The following CFAP44 variants were observed in gnomAD, a reference collection of about 807,000 sequenced individuals.
CFAP44 encodes the protein cilia and flagella associated protein 44, also known as cilia- and flagella-associated protein 44.
Under a neutral mutation model 216.2 loss-of-function variants are expected in CFAP44, and 134 were observed. The observed-to-expected ratio is 0.62, with a 90% CI of 0.54 to 0.72. The LOEUF (loss-of-function observed/expected upper bound fraction) is 0.72. Among genes scored for constraint, CFAP44 ranks in the 30% least tolerant of loss-of-function variants. CFAP44 has a pLI of 0.00. For missense variants in CFAP44, 2,035 were observed against 2,182.1 expected (o/e 0.93, Z 1.34); for synonymous variants, 700 against 727.6 (o/e 0.96, Z 0.61).
At chr3:113,365,044 G>A (rs924466698) in intron 19 of CFAP44, among the ~76,000 whole-genome samples, 1 of 151,974 alleles carries the variant, frequency 6.6e-6, no homozygotes, top group Non-Finnish European at 1.5e-5. Context: ...ATCCAATATG[G>A]GTTTCTGTAG....
intron 27 of CFAP44, among the ~76,000 whole-genome samples, chr3:113,327,150 T>C (rs79643001): frequency 1.1e-3 from 165 of 152,256 alleles, no homozygotes; most frequent in African/African-American, 3.6e-3. Flanking sequence ...AATATACAAA[T>C]ATAACAAATA....
At chr3:113,403,002 G>A (rs1934182997) in intron 9 of CFAP44, among the ~76,000 whole-genome samples, 2 of 152,000 alleles carry the variant, frequency 1.3e-5, no homozygotes, top group Non-Finnish European at 2.9e-5. Flanking sequence ...AAAAGCCAGT[G>A]GTAAGAGGAC....
chr3:113,419,752 G>A (rs1223523811), intron 5 of CFAP44, among the ~76,000 whole-genome samples: 1 of 152,094 alleles, frequency 6.6e-6, no homozygotes, highest in Admixed American at 6.5e-5. Context: ...ACGACTATGG[G>A]GAAGTCACCT....
intron 28 of CFAP44, among the ~76,000 whole-genome samples, chr3:113,323,670 CA>C (rs1419515218): frequency 5.2e-4 from 79 of 152,232 alleles, no homozygotes; most frequent in African/African-American, 1.7e-3. Context: ...TAAGGATATT[CA>C]TGTATTAATT....
chr3:113,292,911 GAGGCTGGTGC>G lies in CFAP44; in HGVS notation c.5374-1173_5374-1164del, dbSNP rs1472997562. Among the ~76,000 whole-genome samples the G allele has an allele frequency of 2.0e-5, 3 of 152,332 alleles. No individual in the cohort carries two copies. The East Asian group carries it at 5.8e-4, about 29-fold the overall frequency. On this transcript the variant is annotated intron_variant, in intron 34 of 34. Coordinates refer to ENST00000393845, the MANE Select transcript of CFAP44 (RefSeq NM_001164496.2). ...TTGCTCCTTAATAAAAGGGACAGAA[GAGGCTGGTGC>G]ATGGATGTGAAACATGGGAGCTGAA...
chr3:113,426,950 C>A (rs938513711), intron 3 of CFAP44: 7 of 467,020 alleles, frequency 1.5e-5, no homozygotes, highest in African/African-American at 1.4e-4. Context: ...AGTTTTTATA[C>A]CTTCTTAAAA....
chr3:113,308,161 T>A lies in CFAP44; in HGVS notation c.4624A>T (p.Thr1542Ser), dbSNP rs1419611002. 9 of 1,532,370 alleles carry A rather than the reference T, an allele frequency of 5.9e-6. No individual in the cohort carries two copies. Among genetic ancestry groups the A allele is most frequent in the Admixed American group, 2.0e-5 (1 of 49,868 alleles). 94.9% of individuals were successfully genotyped at this position (1,532,370 alleles called of 1,614,324 possible). ...CACGTGGTTTTATCTAACTTACTTG[T>A]TGGGCAAATAGAATCATCAAAAACC... is the stretch of plus-strand genomic sequence containing the variant. ...DEVFDDSICP[T>S]NCDVALFELA... Residue 1542 changes from threonine to serine, a missense_variant, in exon 29 of 35, where the codon ACA becomes TCA. This residue lies in a region of CFAP44 where 1,883 missense variants were observed against 2,023.7 expected (regional missense o/e 0.93). Coordinates refer to ENST00000393845, the MANE Select transcript of CFAP44 (RefSeq NM_001164496.2).
At chr3:113,293,709 A>G (rs1949853301) in intron 34 of CFAP44, among the ~76,000 whole-genome samples, 1 of 152,230 alleles carries the variant, frequency 6.6e-6, no homozygotes, top group Non-Finnish European at 1.5e-5. Context: ...AAGACCCCTC[A>G]ATATTCAAAT....
In CFAP44 at chr3:113,401,895, C is replaced by G. The variant is rs145845832; in HGVS notation, c.1171-156G>C. 3.5e-3 allele frequency among the ~76,000 whole-genome samples: 534 copies of G among 152,122 alleles called. 4 individuals are homozygous for G. The highest frequency in any genetic ancestry group is 0.024 in the Middle Eastern group (7 of 294). On this transcript the variant is annotated intron_variant, in intron 9 of 34. Transcript: ENST00000393845. ...GTGTGATAAGAACACCAGCCAAAAC[C>G]TGACCCCTGAAATTTTACTCTGAAC... is the stretch of plus-strand genomic sequence containing the variant.
At chr3:113,417,857 G>A (rs1934690377) in intron 5 of CFAP44, among the ~76,000 whole-genome samples, 1 of 152,124 alleles carries the variant, frequency 6.6e-6, no homozygotes, top group African/African-American at 2.4e-5. Context: ...CATGGATTAA[G>A]ACCATATCTA....
In CFAP44 at chr3:113,366,286, C is replaced by T; in HGVS notation, c.2468G>A (p.Cys823Tyr). 3 of 1,605,688 alleles carry T rather than the reference C, an allele frequency of 1.9e-6. No individual in the cohort carries two copies. The highest frequency in any genetic ancestry group is 1.7e-4 in the Middle Eastern group (1 of 6,028). Residue 823 changes from cysteine (C) to tyrosine (Y), a missense_variant, in exon 19 of 35, where the codon TGT (cysteine) becomes TAT (tyrosine). By Grantham distance (194) the Cys-to-Tyr change is radical. Coordinates refer to ENST00000393845, the MANE Select transcript of CFAP44 (RefSeq NM_001164496.2). ...TFNINKVMMF[C>Y]GMKNGAIRVY... is the part of the protein sequence containing the mutation. ...TCGAATTGCTCCATTTTTCATTCCA[C>T]AAAACATCATAACTTTGTTAATGCT...
chr3:113,348,601 T>C (rs1288783943), intron 22 of CFAP44, among the ~76,000 whole-genome samples: 1 of 152,154 alleles, frequency 6.6e-6, no homozygotes, highest in Non-Finnish European at 1.5e-5. Context: ...ATAGCCCCCC[T>C]TCCTATTAAT....
At chr3:113,298,363 C>T (rs2107788227) in intron 32 of CFAP44, among the ~76,000 whole-genome samples, 1 of 152,332 alleles carries the variant, frequency 6.6e-6, no homozygotes, top group African/African-American at 2.4e-5. Context: ...TTCTCACCCT[C>T]ATGTTCTAGG....
In CFAP44 at chr3:113,381,028, A is replaced by G; in HGVS notation, c.1923T>C (p.Asn641=). Reference sequence around the variant, plus strand: ...GAAGTGGAGCTTCAAGAATATAGCCATTTTCACAGATAATTAGTAAAGTAC... The same window carrying G: ...GAAGTGGAGCTTCAAGAATATAGCCGTTTTCACAGATAATTAGTAAAGTAC... The part of the protein sequence containing the change: ...PESTLLIICE[N]GYILEAPLPT... Residue 641 remains asparagine, a synonymous_variant, in exon 16 of 35, where the codon AAT becomes AAC. Coordinates refer to ENST00000393845, the MANE Select transcript of CFAP44 (RefSeq NM_001164496.2). 6.3e-7 allele frequency: 1 copy of G among 1,586,732 alleles called. No individual in the cohort carries two copies. Among genetic ancestry groups the G allele is most frequent in the Non-Finnish European group, 8.6e-7 (1 of 1,168,258 alleles).
chr3:113,423,009 T>G (rs1934857541), intron 4 of CFAP44, among the ~76,000 whole-genome samples: 1 of 151,950 alleles, frequency 6.6e-6, no homozygotes, highest in Non-Finnish European at 1.5e-5. Context: ...TTTCCCAGAA[T>G]GCCTAACACA....
rs1949827999 is a variant in CFAP44, at chr3:113,291,458, G to A, written c.*99C>T. 4 of 1,351,376 alleles carry A rather than the reference G, an allele frequency of 3.0e-6. No homozygotes were observed. Among genetic ancestry groups the A allele is most frequent in the South Asian group, 2.9e-5 (2 of 68,888 alleles). The allele number at this position is 1,351,376 out of a possible 1,614,324, so 83.7% of individuals were successfully genotyped here. ...GATCTGGTTTTACACTTTCAGGCGA[G>A]TTCAGTTTAAAGTAATAAGATTGTT... On this transcript the variant is annotated 3_prime_UTR_variant, in exon 35 of 35. Coordinates refer to ENST00000393845, the MANE Select transcript of CFAP44 (RefSeq NM_001164496.2).
rs187119838 is a variant in CFAP44, at chr3:113,345,129, T to C, written c.3066-417A>G. Among the ~76,000 whole-genome samples, 21 of 148,434 alleles carry C rather than the reference T, an allele frequency of 1.4e-4. No homozygotes were observed. The East Asian group carries it at 3.1e-3, about 22-fold the overall frequency. Reference sequence around the variant, plus strand: ...TCTATACATATACATATATAATAGATTATTATATAAAATGTATAATAGATA... The same window carrying C: ...TCTATACATATACATATATAATAGACTATTATATAAAATGTATAATAGATA... On this transcript the variant is annotated intron_variant, in intron 22 of 34. Coordinates refer to ENST00000393845, the MANE Select transcript of CFAP44 (RefSeq NM_001164496.2).
intron 5 of CFAP44, among the ~76,000 whole-genome samples, chr3:113,418,109 A>T (rs1934700081): frequency 6.6e-6 from 1 of 150,450 alleles, no homozygotes; most frequent in Non-Finnish European, 1.5e-5. Context: ...TTATTTATTG[A>T]GACTCTGTCA....
intron 22 of CFAP44, among the ~76,000 whole-genome samples, chr3:113,348,841 G>T (rs1207816792): frequency 6.6e-6 from 1 of 152,196 alleles, no homozygotes; most frequent in Non-Finnish European, 1.5e-5. Context: ...GTCCTACAGG[G>T]TCTAGGACAA....
Sources: allele counts gnomAD v4.1 joint callset (sites outside exome capture counted in the v4.1 genomes callset), GRCh38; gene constraint gnomAD v4.1.1; regional missense constraint gnomAD v4.1.1; transcripts MANE v1.5; gene names NCBI Gene and HGNC (gene_info 2026-07-23, HGNC 2026-07-21).